LRPPRC: variants seen among roughly 807,000 people sequenced by gnomAD.
The protein encoded by LRPPRC is leucine-rich PPR motif-containing protein, mitochondrial.
In LRPPRC, 120 loss-of-function variants were observed where a neutral mutation model predicts 180.3. The ratio of observed to expected loss-of-function variants is 0.67; its 90% CI spans 0.57 to 0.77. LRPPRC has a LOEUF of 0.77. Ranked by LOEUF, LRPPRC falls within the 30% of genes least tolerant of loss-of-function variation. The probability of loss-of-function intolerance (pLI) is 0.00; values close to 1 mark genes in which losing one functional copy is unlikely to be tolerated. For synonymous variants in LRPPRC, 723 were observed against 600.0 expected (o/e 1.21, Z -3.00); for missense variants, 2,012 against 1,657.2 (o/e 1.21, Z -3.72).
Position 43,945,345 on chromosome 2 carries a change from A to C in LRPPRC, c.2283T>G (p.His761Gln). The part of the protein sequence containing the change: ...YVGLVRVLAK[H>Q]GKLQDAINIL... Reference sequence around the variant, plus strand: ...GCTGAGGCTTACCTTGGAGCTTGCCATGCTTTGCCAATACTCTTACAAGGC... The same window carrying C: ...GCTGAGGCTTACCTTGGAGCTTGCCCTGCTTTGCCAATACTCTTACAAGGC... The change falls in exon 22 of 38, where the codon CAT (histidine) becomes CAG (glutamine). Residue 761 changes from histidine to glutamine, a missense_variant. Coordinates refer to ENST00000260665, the MANE Select transcript of LRPPRC (RefSeq NM_133259.4). 6.2e-7 allele frequency: 1 copy of C among 1,611,268 alleles called. No individual in the cohort carries two copies. Among genetic ancestry groups the C allele is most frequent in the Non-Finnish European group, 8.5e-7 (1 of 1,177,528 alleles).
At chr2:43,925,221 T>C (rs576175877) in intron 26 of LRPPRC, 64 bp from the exon 27 acceptor site, 14 of 871,204 alleles carry the variant, frequency 1.6e-5, no homozygotes, top group East Asian at 7.2e-5. Context: ...AGTTAACAAA[T>C]AGCAGTGGAA....
chr2:43,960,326 G>T (rs191463577), intron 13 of LRPPRC, among the ~76,000 whole-genome samples: 1 of 152,234 alleles, frequency 6.6e-6, no homozygotes, highest in Admixed American at 6.5e-5. Context: ...CCAGCCTTCA[G>T]TCTAACACCA....
intron 13 of LRPPRC, among the ~76,000 whole-genome samples, chr2:43,958,158 T>C (rs1673198471): frequency 6.6e-6 from 1 of 152,202 alleles, no homozygotes; most frequent in South Asian, 2.1e-4. Context: ...CACATAACCC[T>C]TGCCAAACTA....
intron 1 of LRPPRC, among the ~76,000 whole-genome samples, chr2:43,984,067 G>A (rs1283138716): frequency 1.3e-5 from 2 of 151,942 alleles, no homozygotes; most frequent in Non-Finnish European, 2.9e-5. Context: ...AACCACAGAA[G>A]ATATACCCTT....
intron 30 of LRPPRC, 60 bp from the exon 31 acceptor site, chr2:43,905,840 G>A: frequency 1.9e-6 from 2 of 1,046,746 alleles, no homozygotes; most frequent in South Asian, 1.3e-5. Context: ...GATAATAAAT[G>A]GTTGAGCACC....
chr2:43,931,806 C>T (rs1031544879), intron 25 of LRPPRC, among the ~76,000 whole-genome samples: 1 of 152,088 alleles, frequency 6.6e-6, no homozygotes, highest in Non-Finnish European at 1.5e-5. Flanking sequence ...CAGATTTCTT[C>T]ATCTGAAACC....
chr2:43,918,146 G>A lies in LRPPRC; in HGVS notation c.3040-13C>T, dbSNP rs2105025719. The A allele has an allele frequency of 4.4e-6, 7 of 1,607,816 alleles. No homozygotes were observed. Among genetic ancestry groups the A allele is most frequent in the Non-Finnish European group, 6.0e-6 (7 of 1,174,426 alleles). On this transcript the variant is annotated splice_polypyrimidine_tract_variant and intron_variant, in intron 28 of 37. Coordinates refer to ENST00000260665, the MANE Select transcript of LRPPRC (RefSeq NM_133259.4). ...CTTCATACCACAACTTTAAAACAAA[G>A]TTATTCTGTTAAATAAAAACTGGTA... is the stretch of plus-strand genomic sequence containing the variant.
At chr2:43,977,088 CT>C (rs754484625) in intron 4 of LRPPRC, 36 bp from the exon 5 acceptor site, 46 of 1,607,592 alleles carry the variant, frequency 2.9e-5, no homozygotes, top group South Asian at 5.5e-5. Flanking sequence ...TTTAAATATA[CT>C]TTTTTTTCTG....
At chr2:43,908,443 A>AAAG (rs1671137186) in intron 30 of LRPPRC, among the ~76,000 whole-genome samples, 1 of 152,234 alleles carries the variant, frequency 6.6e-6, no homozygotes. Context: ...AAATTGAAGA[A>AAAG]ATCTTATTAG....
intron 31 of LRPPRC, among the ~76,000 whole-genome samples, chr2:43,904,183 C>T (rs1323507568): frequency 1.3e-5 from 2 of 152,108 alleles, no homozygotes; most frequent in African/African-American, 4.8e-5. Flanking sequence ...CTCAAGCAAT[C>T]CTCCTGCCAC....
chr2:43,891,395 G>A (rs140327360), intron 36 of LRPPRC, among the ~76,000 whole-genome samples: 1 of 152,294 alleles, frequency 6.6e-6, no homozygotes, highest in Non-Finnish European at 1.5e-5. Context: ...TGGTAACCCT[G>A]CCTTGGGCAA....
In LRPPRC at chr2:43,931,924, C is replaced by CAGTCTTTCT. The variant is rs1469509943; in HGVS notation, c.2736+2265_2736+2266insAGAAAGACT. On this transcript the variant is annotated intron_variant, in intron 25 of 37. Coordinates refer to ENST00000260665, the MANE Select transcript of LRPPRC (RefSeq NM_133259.4). The stretch of plus-strand genomic sequence containing the variant: ...CTTTCCTTCTCAGTCTTTCTCCCTT[C>CAGTCTTTCT]CCTTCATTCTAGTCAAAGAGATAGA... Among the ~76,000 whole-genome samples the CAGTCTTTCT allele has an allele frequency of 4.6e-5, 7 of 152,028 alleles. No individual in the cohort carries two copies. The East Asian group carries it at 1.4e-3, about 29-fold the overall frequency.
chr2:43,925,051 T>C lies in LRPPRC; in HGVS notation c.2896+16A>G, dbSNP rs117077213. Reference sequence around the variant, plus strand: ...ACAGAATAAATGAAAGCGTGAAGAATAGTTAAATCACTTACTATACAGTTT... The same window carrying C: ...ACAGAATAAATGAAAGCGTGAAGAACAGTTAAATCACTTACTATACAGTTT... On this transcript the variant is annotated intron_variant, in intron 27 of 37. Transcript: ENST00000260665. The C allele has an allele frequency of 6.1e-4, 810 of 1,336,124 alleles. 7 individuals are homozygous for C. In the East Asian group the frequency reaches 0.014, roughly 23 times the overall value. The allele number at this position is 1,336,124 out of a possible 1,614,324, so 82.8% of individuals were successfully genotyped here.
At chr2:43,989,744 A>T (rs750907084) in intron 1 of LRPPRC, among the ~76,000 whole-genome samples, 2 of 152,258 alleles carry the variant, frequency 1.3e-5, no homozygotes, top group Non-Finnish European at 2.9e-5. Context: ...AAACACTTGT[A>T]ACATATGTTG....
rs1034508455 is a variant in LRPPRC at position 43,913,501 on chromosome 2, A to C, written c.3149-943T>G. The stretch of plus-strand genomic sequence containing the variant: ...TAAGCTACTTTAGAAGTTTCTGAAC[A>C]GGCGAAAATTGTTACGCTTCTATGT... On this transcript the variant is annotated intron_variant, in intron 29 of 37. Transcript: ENST00000260665. Among the ~76,000 whole-genome samples, 3 of 152,228 alleles carry C rather than the reference A, an allele frequency of 2.0e-5. No homozygotes were observed. The South Asian group carries it at 6.2e-4, about 31-fold the overall frequency.
chr2:43,982,471 T>C, intron 1 of LRPPRC, 37 bp from the exon 2 acceptor site: 1 of 1,490,320 alleles, frequency 6.7e-7, no homozygotes, highest in Non-Finnish European at 9.4e-7. Flanking sequence ...AATCAGTTGC[T>C]ATCTATTTAG....
At chr2:43,909,243 T>C (rs1671169782) in intron 30 of LRPPRC, among the ~76,000 whole-genome samples, 1 of 152,214 alleles carries the variant, frequency 6.6e-6, no homozygotes, top group Non-Finnish European at 1.5e-5. Context: ...TAACATTTTA[T>C]TGGTTCAAGG....
chr2:43,935,065 GA>G lies in LRPPRC; in HGVS notation c.2505-188del, dbSNP rs1672229334. 3.3e-5 allele frequency among the ~76,000 whole-genome samples: 5 copies of G among 152,120 alleles called. No individual in the cohort carries two copies. In the South Asian group the frequency reaches 1.0e-3, roughly 31 times the overall value. On this transcript the variant is annotated intron_variant, in intron 23 of 37. Transcript: ENST00000260665. Reference sequence around the variant, plus strand: ...ATCTTTATATATAAGTAAATGTTCAGAAAACATACATCATCAGCAATCCACT... The same window carrying G: ...ATCTTTATATATAAGTAAATGTTCAGAAACATACATCATCAGCAATCCACT...
intron 27 of LRPPRC, among the ~76,000 whole-genome samples, chr2:43,923,267 T>G (rs1671760931): frequency 6.7e-6 from 1 of 149,750 alleles, no homozygotes; most frequent in South Asian, 2.1e-4. Context: ...CTGCTTGAGC[T>G]CAGGAGTTCA....
Sources: allele counts gnomAD v4.1 joint callset (sites outside exome capture counted in the v4.1 genomes callset), GRCh38; gene constraint gnomAD v4.1.1; transcripts MANE v1.5; gene names NCBI Gene and HGNC (gene_info 2026-07-23, HGNC 2026-07-21).